Variants in GPC6 observed in about 807,000 individuals in gnomAD.
GPC6 encodes the protein glypican 6.
GPC6 carries 14 observed loss-of-function variants against 55.2 expected under a neutral mutation model. That is an observed-to-expected ratio of 0.25 (90% CI 0.17 to 0.40). GPC6 has a LOEUF of 0.40. Among genes scored for constraint, GPC6 ranks in the 10% least tolerant of loss-of-function variants. GPC6 has a pLI of 1.00. For missense variants in GPC6, 641 were observed against 708.5 expected (o/e 0.90, Z 1.08); for synonymous variants, 278 against 259.6 (o/e 1.07, Z -0.68).
At chr13:93,311,946 T>TA (rs936174616) in intron 1 of GPC6, among the ~76,000 whole-genome samples, 1 of 151,894 alleles carries the variant, frequency 6.6e-6, no homozygotes, top group African/African-American at 2.4e-5. Context: ...TGATGGGAGG[T>TA]AAAAAAGAAA....
intron 2 of GPC6, among the ~76,000 whole-genome samples, chr13:93,551,006 G>C (rs902122528): frequency 2.0e-5 from 3 of 152,148 alleles, no homozygotes; most frequent in African/African-American, 7.2e-5. Context: ...GAAGTCCATT[G>C]CAAAGAGGAG....
Position 93,486,675 on chromosome 13 carries a change from G to A in GPC6, c.161-58588G>A, listed in dbSNP as rs938641185. On this transcript the variant is annotated intron_variant, in intron 1 of 8. Transcript: ENST00000377047. ...GTAAGAGACCATCTTGGCCGGGCAC[G>A]GTGGCTCACACCTGTAATCCCAGCA... Among the ~76,000 whole-genome samples the A allele has an allele frequency of 7.9e-5, 12 of 152,216 alleles. No individual in the cohort carries two copies. The East Asian group carries it at 1.2e-3, about 15-fold the overall frequency.
intron 6 of GPC6, among the ~76,000 whole-genome samples, chr13:94,380,118 T>C (rs1383867873): frequency 6.6e-6 from 1 of 152,180 alleles, no homozygotes; most frequent in African/African-American, 2.4e-5. Context: ...TCTCAAAATC[T>C]GTGTATCTGG....
intron 4 of GPC6, among the ~76,000 whole-genome samples, chr13:94,117,465 A>G (rs781687234): frequency 6.6e-6 from 1 of 152,106 alleles, no homozygotes; most frequent in Non-Finnish European, 1.5e-5. Context: ...GGTCTTAATT[A>G]CCATTTACAA....
At chr13:93,354,501 C>G (rs996103842) in intron 1 of GPC6, among the ~76,000 whole-genome samples, 9 of 149,766 alleles carry the variant, frequency 6.0e-5, no homozygotes, top group Non-Finnish European at 1.0e-4. Context: ...CAGGTGCCCG[C>G]TACCACACTC....
chr13:93,358,988 TG>T (rs66489742), intron 1 of GPC6, among the ~76,000 whole-genome samples: 50,127 of 143,062 alleles, frequency 0.35, 9,429 homozygotes, highest in East Asian at 0.75. Context: ...TTTTTTTTTT[TG>T]TTTTTTTTTT....
intron 1 of GPC6, among the ~76,000 whole-genome samples, chr13:93,366,330 TCAAC>T (rs1881246130): frequency 6.6e-6 from 1 of 152,018 alleles, no homozygotes; most frequent in Non-Finnish European, 1.5e-5. Flanking sequence ...TAAAATACAA[TCAAC>T]CAAATTCTGA....
intron 2 of GPC6, among the ~76,000 whole-genome samples, chr13:93,749,210 T>A (rs1292087673): frequency 6.6e-6 from 1 of 152,074 alleles, no homozygotes; most frequent in African/African-American, 2.4e-5. Context: ...AAGTGTACTT[T>A]AACTTTGATT....
At chr13:93,976,260 A>G (rs1447703454) in intron 3 of GPC6, among the ~76,000 whole-genome samples, 3 of 152,074 alleles carry the variant, frequency 2.0e-5, no homozygotes, top group African/African-American at 7.2e-5. Context: ...ATGCATTTTA[A>G]TGCTGTTCAT....
chr13:93,778,125 C>T (rs1230802673), intron 2 of GPC6, among the ~76,000 whole-genome samples: 1 of 152,158 alleles, frequency 6.6e-6, no homozygotes, highest in African/African-American at 2.4e-5. Context: ...GCTTTCCCTG[C>T]TAAATCTGTT....
chr13:93,871,776 T>A (rs1171221434), intron 3 of GPC6, among the ~76,000 whole-genome samples: 1 of 151,982 alleles, frequency 6.6e-6, no homozygotes, highest in Non-Finnish European at 1.5e-5. Context: ...TGAAATATCC[T>A]CTTAATTTCT....
intron 1 of GPC6, among the ~76,000 whole-genome samples, chr13:93,349,580 T>C (rs1484370584): frequency 1.3e-5 from 2 of 152,186 alleles, no homozygotes; most frequent in Non-Finnish European, 2.9e-5. Flanking sequence ...GTTTAAAACT[T>C]TTAAGGGAGC....
chr13:93,835,650 G>T (rs1355013791), intron 3 of GPC6, among the ~76,000 whole-genome samples: 1 of 152,140 alleles, frequency 6.6e-6, no homozygotes, highest in Non-Finnish European at 1.5e-5. Flanking sequence ...TACTTGGGAG[G>T]CTGAAGCAGG....
At chr13:93,260,902 T>G (rs567258224) in intron 1 of GPC6, among the ~76,000 whole-genome samples, 1 of 152,216 alleles carries the variant, frequency 6.6e-6, no homozygotes, top group South Asian at 2.1e-4. Context: ...TTCTTCCTTT[T>G]TTGGTAGTTC....
chr13:93,514,074 G>A (rs368631641), intron 1 of GPC6, among the ~76,000 whole-genome samples: 9 of 151,688 alleles, frequency 5.9e-5, no homozygotes, highest in East Asian at 1.9e-4. Flanking sequence ...GAGTTTCACC[G>A]TGTTGGCCAG....
intron 2 of GPC6, among the ~76,000 whole-genome samples, chr13:93,733,351 T>C (rs543820503): frequency 4.0e-4 from 61 of 152,128 alleles, no homozygotes; most frequent in African/African-American, 1.5e-3. Flanking sequence ...TTATCTGGCT[T>C]TTATATATGG....
chr13:93,463,651 A>G (rs1308513884), intron 1 of GPC6, among the ~76,000 whole-genome samples: 3 of 152,176 alleles, frequency 2.0e-5, no homozygotes, highest in Admixed American at 6.6e-5. Context: ...ATTAGAGACC[A>G]TGTTAGGACC....
chr13:93,501,038 C>T (rs1880502293), intron 1 of GPC6, among the ~76,000 whole-genome samples: 1 of 152,046 alleles, frequency 6.6e-6, no homozygotes, highest in Non-Finnish European at 1.5e-5. Flanking sequence ...GTATCTTATC[C>T]ACACACGAGA....
intron 2 of GPC6, among the ~76,000 whole-genome samples, chr13:93,659,590 A>G (rs1255090803): frequency 6.6e-6 from 1 of 152,048 alleles, no homozygotes; most frequent in East Asian, 1.9e-4. Context: ...AGATCAATCA[A>G]CATAGCTGTA....
Sources: allele counts gnomAD v4.1 joint callset (sites outside exome capture counted in the v4.1 genomes callset), GRCh38; gene constraint gnomAD v4.1.1; transcripts MANE v1.5; gene names NCBI Gene and HGNC (gene_info 2026-07-23, HGNC 2026-07-21).